LDLRAD3: variants seen among roughly 807,000 people sequenced by gnomAD.
LDLRAD3 encodes the protein low-density lipoprotein receptor class A domain-containing protein 3.
LDLRAD3 carries 20 observed loss-of-function variants against 29.4 expected under a neutral mutation model. The ratio of observed to expected loss-of-function variants is 0.68; its 90% CI spans 0.48 to 0.99. The LOEUF (loss-of-function observed/expected upper bound fraction) is 0.99, where lower values mean the gene tolerates loss of function less well. LDLRAD3 is among the 50% of genes least tolerant of loss of function. LDLRAD3 has a pLI of 0.00. For missense variants in LDLRAD3, 420 were observed against 454.3 expected (o/e 0.92, Z 0.69); for synonymous variants, 157 against 192.7 (o/e 0.81, Z 1.53).
chr11:36,025,222 G>T (rs1852148044), intron 1 of LDLRAD3, among the ~76,000 whole-genome samples: 1 of 151,654 alleles, frequency 6.6e-6, no homozygotes, highest in Admixed American at 6.6e-5. Context: ...CTTTCATAGG[G>T]TTTTTTTTCC....
At chr11:36,001,122 G>A (rs1389807338) in intron 1 of LDLRAD3, 1 of 152,166 alleles carries the variant, frequency 6.6e-6, no homozygotes, top group East Asian at 1.9e-4. Flanking sequence ...GCCAGAAAGA[G>A]AGCTTGGAGA....
At chr11:36,123,791 G>C (rs1185550868) in intron 4 of LDLRAD3, among the ~76,000 whole-genome samples, 1 of 152,222 alleles carries the variant, frequency 6.6e-6, no homozygotes, top group African/African-American at 2.4e-5. Flanking sequence ...CTTGTCCGAG[G>C]GTCTGTGCCA....
chr11:36,134,138 A>T (rs11033449), intron 4 of LDLRAD3, among the ~76,000 whole-genome samples: 66,182 of 151,914 alleles, frequency 0.44, 14,742 homozygotes, highest in East Asian at 0.62. Flanking sequence ...TTTGTCTGCA[A>T]GTTACCTCCT....
At chr11:36,176,004 T>C (rs1171727586) in intron 4 of LDLRAD3, among the ~76,000 whole-genome samples, 3 of 152,210 alleles carry the variant, frequency 2.0e-5, no homozygotes. Flanking sequence ...AGTACATATA[T>C]ATTTAGAATT....
At chr11:35,985,399 C>G (rs889894020) in intron 1 of LDLRAD3, among the ~76,000 whole-genome samples, 1 of 152,036 alleles carries the variant, frequency 6.6e-6, no homozygotes, top group East Asian at 1.9e-4. Context: ...TTTGCAGATT[C>G]CGTAAGGTGG....
chr11:36,033,001 A>G (rs1001123371), intron 1 of LDLRAD3, among the ~76,000 whole-genome samples: 2 of 151,884 alleles, frequency 1.3e-5, no homozygotes, highest in African/African-American at 4.8e-5. Context: ...CAGACTCCCA[A>G]GTAGCTGGGA....
chr11:36,063,717 A>G (rs1303284020), intron 2 of LDLRAD3, among the ~76,000 whole-genome samples: 3 of 152,178 alleles, frequency 2.0e-5, no homozygotes, highest in Admixed American at 6.5e-5. Context: ...TCAATTGACT[A>G]GAAAAGTAAA....
At chr11:36,023,872 A>G (rs2133199914) in intron 1 of LDLRAD3, among the ~76,000 whole-genome samples, 1 of 152,310 alleles carries the variant, frequency 6.6e-6, no homozygotes, top group South Asian at 2.1e-4. Flanking sequence ...GTTCATGTGT[A>G]TAGTTTGGCT....
chr11:36,166,040 C>A (rs1476061134), intron 4 of LDLRAD3, among the ~76,000 whole-genome samples: 3 of 146,204 alleles, frequency 2.1e-5, no homozygotes, highest in African/African-American at 7.6e-5. Context: ...CCTCTCCCAT[C>A]CTAGACAGCT....
At chr11:36,115,329 T>C (rs530278124) in intron 4 of LDLRAD3, among the ~76,000 whole-genome samples, 1 of 152,324 alleles carries the variant, frequency 6.6e-6, no homozygotes, top group East Asian at 1.9e-4. Flanking sequence ...GGATGATTTG[T>C]TATGTAGTAG....
intron 3 of LDLRAD3, among the ~76,000 whole-genome samples, chr11:36,091,536 G>T (rs1174763208): frequency 6.6e-6 from 1 of 151,366 alleles, no homozygotes; most frequent in Non-Finnish European, 1.5e-5. Flanking sequence ...TTTCCTGAGT[G>T]TTGTGGCTTG....
At chr11:35,963,301 A>T (rs2133137618) in intron 1 of LDLRAD3, among the ~76,000 whole-genome samples, 1 of 152,046 alleles carries the variant, frequency 6.6e-6, no homozygotes, top group South Asian at 2.1e-4. Context: ...TTAGGAAATG[A>T]TCTTCAGGCC....
intron 4 of LDLRAD3, among the ~76,000 whole-genome samples, chr11:36,101,136 A>G (rs1345363411): frequency 6.6e-6 from 1 of 152,182 alleles, no homozygotes; most frequent in Admixed American, 6.5e-5. Flanking sequence ...AAAATAAGCT[A>G]CATATGCACG....
chr11:36,133,225 G>T, intron 4 of LDLRAD3, among the ~76,000 whole-genome samples: 1 of 87,958 alleles, frequency 1.1e-5, no homozygotes. Context: ...TAGTTGAGAT[G>T]GGGCCTTGCT....
chr11:36,022,088 G>T (rs766938673), intron 1 of LDLRAD3, among the ~76,000 whole-genome samples: 11 of 152,172 alleles, frequency 7.2e-5, no homozygotes, highest in Non-Finnish European at 1.5e-4. Flanking sequence ...TGTGGCGCAC[G>T]TTATTTCAAT....
chr11:36,001,853 A>G (rs773908297), intron 1 of LDLRAD3, among the ~76,000 whole-genome samples: 7 of 151,976 alleles, frequency 4.6e-5, no homozygotes, highest in Non-Finnish European at 8.8e-5. Context: ...TCTATTCATT[A>G]AAAGCATTTC....
intron 2 of LDLRAD3, among the ~76,000 whole-genome samples, chr11:36,038,576 G>T (rs1010160886): frequency 3.3e-5 from 5 of 152,192 alleles, no homozygotes; most frequent in African/African-American, 1.2e-4. Flanking sequence ...TCTGTGTCCT[G>T]TCACTCCAGT....
At chr11:36,120,678 C>T (rs1048171374) in intron 4 of LDLRAD3, among the ~76,000 whole-genome samples, 2 of 152,250 alleles carry the variant, frequency 1.3e-5, no homozygotes, top group East Asian at 3.9e-4. Flanking sequence ...AGCAGCCCAC[C>T]TCCAGATGCC....
At chr11:36,052,179 A>G (rs1852538612) in intron 2 of LDLRAD3, among the ~76,000 whole-genome samples, 1 of 152,220 alleles carries the variant, frequency 6.6e-6, no homozygotes, top group Non-Finnish European at 1.5e-5. Context: ...TCCTTCTGCT[A>G]AGTCCAGGCA....
Sources: gnomAD v4.1 joint callset for allele counts (sites outside exome capture counted in the v4.1 genomes callset) on GRCh38, gnomAD v4.1.1 for gene constraint, MANE v1.5 for transcripts, NCBI Gene and HGNC (gene_info 2026-07-23, HGNC 2026-07-21) for gene names.